STK38: variants seen among roughly 807,000 people sequenced by gnomAD.
STK38 encodes serine/threonine kinase 38.
STK38 carries 26 observed loss-of-function variants against 59.0 expected under a neutral mutation model. The ratio of observed to expected loss-of-function variants is 0.44; its 90% confidence interval spans 0.32 to 0.61. The LOEUF is 0.61. STK38 is among the 20% of genes least tolerant of loss of function. The pLI, the probability that STK38 is intolerant of heterozygous loss-of-function variation, is 0.04. For synonymous variants in STK38, 175 were observed against 176.6 expected (o/e 0.99, Z 0.07); for missense variants, 433 against 566.0 (o/e 0.76, Z 2.38).
intron 2 of STK38, among the ~76,000 whole-genome samples, chr6:36,530,886 C>T (rs1191073658): frequency 5.3e-5 from 8 of 151,822 alleles, no homozygotes; most frequent in African/African-American, 1.9e-4. Context: ...CACGGGGTTT[C>T]ATCATGTTGC....
At chr6:36,545,803 G>A (rs967751791) in intron 1 of STK38, among the ~76,000 whole-genome samples, 3 of 152,140 alleles carry the variant, frequency 2.0e-5, no homozygotes, top group African/African-American at 7.2e-5. Flanking sequence ...GGTGGCTGAG[G>A]AATTCTTCAA....
intron 8 of STK38, 62 bp from the exon 9 acceptor site, chr6:36,506,706 A>G (rs1776970848): frequency 6.7e-7 from 1 of 1,485,626 alleles, no homozygotes. Flanking sequence ...TACTTTTTTT[A>G]GTAGGCTCTT....
At chr6:36,511,468 G>A (rs1170126072) in intron 7 of STK38, among the ~76,000 whole-genome samples, 2 of 151,682 alleles carry the variant, frequency 1.3e-5, no homozygotes, top group African/African-American at 2.4e-5. Context: ...GAAATTCTCT[G>A]CCTCAGCCAC....
intron 2 of STK38, among the ~76,000 whole-genome samples, chr6:36,530,323 C>G (rs540145134): frequency 6.6e-6 from 1 of 152,016 alleles, no homozygotes; most frequent in South Asian, 2.1e-4. Flanking sequence ...GGGGAAAGGG[C>G]TGTGATTACA....
intron 1 of STK38, among the ~76,000 whole-genome samples, chr6:36,541,292 T>C (rs1408951078): frequency 1.3e-5 from 2 of 152,172 alleles, no homozygotes; most frequent in Non-Finnish European, 2.9e-5. Flanking sequence ...AAATTAAGAA[T>C]ATATAGTAAA....
chr6:36,496,691 G>C lies in STK38; in HGVS notation c.1267+20C>G, dbSNP rs748439335. Reference sequence around the variant, plus strand: ...ATAATGTGCTTATAAGGCAGCAGGAGACAATGCTGGTGGTGTTACCTGTTG... The same window carrying C: ...ATAATGTGCTTATAAGGCAGCAGGACACAATGCTGGTGGTGTTACCTGTTG... On this transcript the variant is annotated intron_variant, in intron 13 of 13. Coordinates refer to ENST00000229812, the MANE Select transcript of STK38 (RefSeq NM_007271.4). The C allele has an allele frequency of 1.9e-6, 3 of 1,573,620 alleles. No homozygotes were observed. In the African/African-American group the frequency reaches 4.0e-5, roughly 21 times the overall value.
At chr6:36,524,224 T>C (rs1042832880) in intron 4 of STK38, 117 bp downstream of exon 4, 2 of 1,265,342 alleles carry the variant, frequency 1.6e-6, no homozygotes, top group Non-Finnish European at 2.1e-6. Flanking sequence ...GGGGCTGGCA[T>C]GCCTGACTCA....
At chr6:36,525,533 G>A (rs1199281450) in intron 3 of STK38, 58 bp downstream of exon 3, 3 of 1,517,472 alleles carry the variant, frequency 2.0e-6, no homozygotes, top group African/African-American at 1.4e-5. Context: ...ACAACTCACT[G>A]GACAAGATAC....
rs1374964517 is a variant in STK38, at chr6:36,539,967, T to C, written c.131+105A>G. 3 of 1,531,074 alleles carry C rather than the reference T, an allele frequency of 2.0e-6. No homozygotes were observed. The Admixed American group carries it at 5.7e-5, about 29-fold the overall frequency. 94.8% of individuals were successfully genotyped at this position (1,531,074 alleles called of 1,614,324 possible). A position where few individuals can be genotyped will look rare whatever the true frequency, so the allele number is the denominator to read the frequency against. On this transcript the variant is annotated intron_variant, in intron 2 of 13. Coordinates refer to ENST00000229812, the MANE Select transcript of STK38 (RefSeq NM_007271.4). ...GTCATTCCATTATGATAGTCTATAA[T>C]AAGGCTGCTACTATTCTTGTCTCCT...
In STK38 at chr6:36,540,094, G is replaced by A; in HGVS notation, c.109C>T (p.Gln37Ter). The A allele has an allele frequency of 6.2e-7, 1 of 1,613,840 alleles. No homozygotes were observed. Among genetic ancestry groups the A allele is most frequent in the Non-Finnish European group, 8.5e-7 (1 of 1,179,900 alleles). The part of the protein sequence containing the change: ...LENFYSNLIA[Q>*]HEEREMRQKK... Reference sequence around the variant, plus strand: ...TACCTCATTTCTCGTTCTTCATGTTGAGCGATAAGGTTGCTATAAAAATTC... The same window carrying A: ...TACCTCATTTCTCGTTCTTCATGTTAAGCGATAAGGTTGCTATAAAAATTC... The change falls in exon 2 of 14, where the codon CAA becomes TAA. Residue 37 changes from glutamine (Q) to a stop codon, truncating the protein, a stop_gained. Transcript: ENST00000229812. LOFTEE classifies it high-confidence loss of function.
chr6:36,498,582 C>CTTTTTT (rs1219622406), intron 10 of STK38, 96 bp from the exon 11 acceptor site: 11 of 1,039,294 alleles, frequency 1.1e-5, no homozygotes, highest in Non-Finnish European at 1.1e-5. Context: ...CTTTTTTTTT[C>CTTTTTT]TTTTTTCTTT....
At chr6:36,506,833 A>T (rs1051442145) in intron 8 of STK38, among the ~76,000 whole-genome samples, 189 bp from the exon 9 acceptor site, 12 of 146,846 alleles carry the variant, frequency 8.2e-5, no homozygotes, top group Admixed American at 3.4e-4. Flanking sequence ...GTAAAGCATT[A>T]ACTTAAAAGA....
intron 5 of STK38, among the ~76,000 whole-genome samples, chr6:36,519,323 T>C (rs1777327672): frequency 6.6e-6 from 1 of 152,172 alleles, no homozygotes; most frequent in Admixed American, 6.5e-5. Flanking sequence ...AGCAAAGCTT[T>C]TGGGAAACAG....
At chr6:36,545,469 C>T (rs1034664593) in intron 1 of STK38, among the ~76,000 whole-genome samples, 3 of 151,996 alleles carry the variant, frequency 2.0e-5, no homozygotes, top group Non-Finnish European at 4.4e-5. Flanking sequence ...AATTCTTAAG[C>T]AGAGTGTTTT....
chr6:36,500,093 A>C (rs111593850), intron 9 of STK38, 103 bp from the exon 10 acceptor site: 1 of 839,426 alleles, frequency 1.2e-6, no homozygotes. Context: ...AGCTACCCCC[A>C]AGCTAAATAA....
intron 1 of STK38, among the ~76,000 whole-genome samples, chr6:36,543,306 C>G (rs970721690): frequency 1.9e-4 from 29 of 152,070 alleles, no homozygotes; most frequent in African/African-American, 6.8e-4. Flanking sequence ...ACCTCATGAT[C>G]TGCCCATCTC....
intron 10 of STK38, among the ~76,000 whole-genome samples, chr6:36,499,546 G>A (rs1471237986): frequency 6.6e-6 from 1 of 152,206 alleles, no homozygotes; most frequent in East Asian, 1.9e-4. Context: ...TTAGGAAAGT[G>A]AGGCAATGCC....
At chr6:36,497,922 G>GA in intron 11 of STK38, 47 bp from the exon 12 acceptor site, 1 of 1,009,744 alleles carries the variant, frequency 9.9e-7, no homozygotes, top group Admixed American at 2.4e-5. Context: ...AGTCTCCTCA[G>GA]AAAAAGAAAA....
intron 2 of STK38, among the ~76,000 whole-genome samples, chr6:36,527,060 C>T (rs558332272): frequency 3.3e-5 from 5 of 151,154 alleles, no homozygotes; most frequent in Admixed American, 1.3e-4. Context: ...GGCGTGGTGG[C>T]GAGCGCCTGT....
Sources: allele counts gnomAD v4.1 joint callset (sites outside exome capture counted in the v4.1 genomes callset), GRCh38; gene constraint gnomAD v4.1.1; transcripts MANE v1.5; gene names NCBI Gene and HGNC (gene_info 2026-07-23, HGNC 2026-07-21).